Variants in CCDC178 observed in about 807,000 individuals in gnomAD.
CCDC178 encodes the protein coiled-coil domain containing 178.
CCDC178 carries 126 observed loss-of-function variants against 117.4 expected under a neutral mutation model. The ratio of observed to expected loss-of-function variants is 1.07; its 90% CI spans 0.93 to 1.24. CCDC178 has a LOEUF of 1.24. CCDC178 is among the 50% of genes most tolerant of loss of function. CCDC178 has a pLI of 0.00. For synonymous variants in CCDC178, 283 were observed against 313.4 expected, an observed-to-expected ratio of 0.90 and a Z score of 1.02; for missense variants, 1,030 against 986.9, an observed-to-expected ratio of 1.04 and a Z score of -0.59.
chr18:33,030,798 T>TGTAGATATAGATATG (rs1340420205), intron 21 of CCDC178, among the ~76,000 whole-genome samples: 1 of 152,018 alleles, frequency 6.6e-6, no homozygotes, highest in Non-Finnish European at 1.5e-5. Context: ...GATAGATAGA[T>TGTAGATATAGATATG]GTAGATATAG....
chr18:33,022,867 T>C (rs1567938429), intron 21 of CCDC178, among the ~76,000 whole-genome samples: 1 of 151,976 alleles, frequency 6.6e-6, no homozygotes, highest in Non-Finnish European at 1.5e-5. Context: ...TAATGATATA[T>C]AGGGGGGCTG....
chr18:33,075,430 T>C (rs1200719056), intron 21 of CCDC178, among the ~76,000 whole-genome samples: 1 of 152,168 alleles, frequency 6.6e-6, no homozygotes, highest in Non-Finnish European at 1.5e-5. Flanking sequence ...GTATTGTTTG[T>C]ACCACAAAGG....
intron 12 of CCDC178, among the ~76,000 whole-genome samples, chr18:33,287,910 T>C (rs1193129659): frequency 6.6e-6 from 1 of 152,222 alleles, no homozygotes; most frequent in East Asian, 1.9e-4. Flanking sequence ...TCAATAATTG[T>C]TCCCTTTTTG....
At chr18:33,170,471 G>A (rs1245773207) in intron 20 of CCDC178, among the ~76,000 whole-genome samples, 2 of 152,016 alleles carry the variant, frequency 1.3e-5, no homozygotes, top group African/African-American at 2.4e-5. Flanking sequence ...TAATTACTCT[G>A]GAAAGTGCAA....
chr18:33,090,332 T>C (rs1448378557), intron 21 of CCDC178, among the ~76,000 whole-genome samples: 1 of 152,134 alleles, frequency 6.6e-6, no homozygotes, highest in Non-Finnish European at 1.5e-5. Context: ...CCAAAAGGAA[T>C]TCATGTTCAG....
intron 21 of CCDC178, among the ~76,000 whole-genome samples, chr18:33,078,989 A>G (rs2057255419): frequency 6.6e-6 from 1 of 152,178 alleles, no homozygotes; most frequent in African/African-American, 2.4e-5. Flanking sequence ...TGCAAAAAGA[A>G]CAAAGGTGGA....
At chr18:33,340,612 G>A (rs1162197632) in intron 9 of CCDC178, among the ~76,000 whole-genome samples, 3 of 152,140 alleles carry the variant, frequency 2.0e-5, no homozygotes, top group Non-Finnish European at 4.4e-5. Flanking sequence ...CATGCTGTGT[G>A]CAGCCTAGGG....
At chr18:32,979,820 T>C (rs986832635) in intron 21 of CCDC178, among the ~76,000 whole-genome samples, 1 of 152,172 alleles carries the variant, frequency 6.6e-6, no homozygotes, top group African/African-American at 2.4e-5. Flanking sequence ...ATATATATAA[T>C]TTATCTTAAA....
At chr18:33,351,843 G>A (rs2144698367) in intron 7 of CCDC178, among the ~76,000 whole-genome samples, 1 of 152,292 alleles carries the variant, frequency 6.6e-6, no homozygotes, top group East Asian at 1.9e-4. Context: ...GTGAGCTACT[G>A]TGCCCGGCCT....
intron 12 of CCDC178, among the ~76,000 whole-genome samples, chr18:33,274,189 C>T (rs2059919546): frequency 6.6e-6 from 1 of 151,584 alleles, no homozygotes; most frequent in African/African-American, 2.4e-5. Context: ...CAATGAGATC[C>T]CGCTATATAT....
At chr18:33,385,586 A>G (rs1339546760) in intron 5 of CCDC178, among the ~76,000 whole-genome samples, 1 of 152,200 alleles carries the variant, frequency 6.6e-6, no homozygotes, top group African/African-American at 2.4e-5. Flanking sequence ...CTACATGGAA[A>G]CTGAACAACC....
At chr18:33,230,697 A>C (rs1406771085) in intron 15 of CCDC178, among the ~76,000 whole-genome samples, 1 of 152,168 alleles carries the variant, frequency 6.6e-6, no homozygotes, top group Non-Finnish European at 1.5e-5. Context: ...TAGCATCTTT[A>C]AGATGGATGA....
chr18:33,272,279 T>C (rs189878954), intron 12 of CCDC178, among the ~76,000 whole-genome samples: 164 of 151,626 alleles, frequency 1.1e-3, no homozygotes, highest in African/African-American at 3.8e-3. Context: ...AAACATTTTA[T>C]GCCAACAAAT....
intron 21 of CCDC178, among the ~76,000 whole-genome samples, chr18:33,077,845 A>G (rs1352780222): frequency 1.3e-5 from 2 of 152,210 alleles, no homozygotes; most frequent in Admixed American, 1.3e-4. Flanking sequence ...AAATTCTACC[A>G]GGTGTACAAG....
intron 21 of CCDC178, among the ~76,000 whole-genome samples, chr18:33,023,382 T>C (rs2144835849): frequency 6.6e-6 from 1 of 152,268 alleles, no homozygotes; most frequent in African/African-American, 2.4e-5. Context: ...ATACAGAATG[T>C]TTTCTTCAAC....
intron 21 of CCDC178, among the ~76,000 whole-genome samples, chr18:33,072,419 T>C (rs949040143): frequency 1.3e-5 from 2 of 152,148 alleles, no homozygotes; most frequent in Non-Finnish European, 2.9e-5. Context: ...AAATATATAA[T>C]ATGCAATAGC....
chr18:33,040,640 A>G (rs376625918), intron 21 of CCDC178, among the ~76,000 whole-genome samples: 105 of 152,126 alleles, frequency 6.9e-4, no homozygotes, highest in African/African-American at 2.2e-3. Context: ...TTTAGGAAGG[A>G]AAGAAAATCA....
intron 20 of CCDC178, among the ~76,000 whole-genome samples, chr18:33,194,120 C>A (rs1259301495): frequency 1.3e-5 from 2 of 152,164 alleles, no homozygotes. Flanking sequence ...TTGGAGGAGA[C>A]AAACATTCAA....
intron 5 of CCDC178, among the ~76,000 whole-genome samples, chr18:33,370,673 T>C (rs894679657): frequency 6.6e-6 from 1 of 152,032 alleles, no homozygotes; most frequent in Non-Finnish European, 1.5e-5. Flanking sequence ...TTTCTCTTGC[T>C]GAAAAAAATA....
Sources: allele counts gnomAD v4.1 joint callset (sites outside exome capture counted in the v4.1 genomes callset), GRCh38; gene constraint gnomAD v4.1.1; transcripts MANE v1.5; gene names NCBI Gene and HGNC (gene_info 2026-07-23, HGNC 2026-07-21).